Variants in RAPGEF5 observed in about 807,000 individuals in gnomAD.
RAPGEF5 encodes M-Ras-regulated GEF.
In RAPGEF5, 65 loss-of-function variants were observed where a neutral mutation model predicts 125.2. The ratio of observed to expected loss-of-function variants is 0.52; its 90% confidence interval spans 0.43 to 0.64. RAPGEF5 has a LOEUF of 0.64. Ranked by LOEUF, RAPGEF5 falls within the 30% of genes least tolerant of loss-of-function variation. RAPGEF5 has a pLI of 0.00. For synonymous variants in RAPGEF5, 391 were observed against 385.9 expected, an observed-to-expected ratio of 1.01 and a Z score of -0.16; for missense variants, 958 against 1,048.1, an observed-to-expected ratio of 0.91 and a Z score of 1.19.
chr7:22,234,454 T>C (rs559403494), intron 7 of RAPGEF5, among the ~76,000 whole-genome samples: 4 of 152,324 alleles, frequency 2.6e-5, no homozygotes, highest in South Asian at 4.1e-4. Flanking sequence ...GGCTAGGAGC[T>C]TCACTCTCTG....
intron 22 of RAPGEF5, among the ~76,000 whole-genome samples, 169 bp downstream of exon 22, chr7:22,136,764 G>C (rs1783090611): frequency 6.6e-6 from 1 of 152,222 alleles, no homozygotes; most frequent in South Asian, 2.1e-4. Flanking sequence ...AGCATTAACT[G>C]TCAACTTGCT....
chr7:22,326,069 C>T (rs6461643), intron 1 of RAPGEF5, among the ~76,000 whole-genome samples: 33,326 of 152,076 alleles, frequency 0.22, 3,721 homozygotes, highest in Admixed American at 0.24. Flanking sequence ...CCTTCTTTGG[C>T]ATCTGGATAT....
intron 1 of RAPGEF5, among the ~76,000 whole-genome samples, chr7:22,354,107 G>A (rs887462218): frequency 1.3e-5 from 2 of 152,120 alleles, no homozygotes; most frequent in South Asian, 4.2e-4. Context: ...AACAAAAAAA[G>A]CCTATAATGC....
chr7:22,224,964 A>C (rs1245986872), intron 8 of RAPGEF5, among the ~76,000 whole-genome samples: 2 of 152,108 alleles, frequency 1.3e-5, no homozygotes, highest in Non-Finnish European at 2.9e-5. Context: ...AGGAACTCTA[A>C]GCATTTTTCA....
intron 18 of RAPGEF5, among the ~76,000 whole-genome samples, chr7:22,148,853 C>T (rs569917040): frequency 2.0e-5 from 3 of 152,086 alleles, no homozygotes; most frequent in Admixed American, 6.6e-5. Flanking sequence ...GCAACAAGCC[C>T]CACAGTAGCT....
intron 6 of RAPGEF5, among the ~76,000 whole-genome samples, chr7:22,285,994 G>A (rs1206455672): frequency 2.0e-5 from 3 of 152,204 alleles, no homozygotes; most frequent in African/African-American, 7.2e-5. Flanking sequence ...GGGTGTAAGA[G>A]TGCCCAGTTA....
intron 11 of RAPGEF5, among the ~76,000 whole-genome samples, chr7:22,190,077 C>T (rs749631052): frequency 2.0e-5 from 3 of 152,074 alleles, no homozygotes; most frequent in Admixed American, 6.5e-5. Flanking sequence ...ATCAGGAGTT[C>T]GAGACCAGCC....
At chr7:22,289,755 T>A (rs1228184543) in intron 6 of RAPGEF5, among the ~76,000 whole-genome samples, 1 of 152,182 alleles carries the variant, frequency 6.6e-6, no homozygotes, top group African/African-American at 2.4e-5. Context: ...AATCCCCAGG[T>A]GTTTAGGGAG....
At chr7:22,335,704 A>C (rs1784013706) in intron 1 of RAPGEF5, among the ~76,000 whole-genome samples, 2 of 142,304 alleles carry the variant, frequency 1.4e-5, no homozygotes, top group Non-Finnish European at 3.1e-5. Context: ...AAAAAAAAAA[A>C]CAACAAAACA....
At chr7:22,341,855 G>A (rs1326309960) in intron 1 of RAPGEF5, among the ~76,000 whole-genome samples, 1 of 152,334 alleles carries the variant, frequency 6.6e-6, no homozygotes, top group South Asian at 2.1e-4. Context: ...TTCACAGGCT[G>A]GTGTTGAATG....
At chr7:22,214,450 T>C (rs990946684) in intron 9 of RAPGEF5, among the ~76,000 whole-genome samples, 1 of 152,188 alleles carries the variant, frequency 6.6e-6, no homozygotes. Flanking sequence ...GGAGCTATTG[T>C]TGGTATTTCT....
intron 1 of RAPGEF5, among the ~76,000 whole-genome samples, chr7:22,334,755 G>A (rs1783993404): frequency 6.6e-6 from 1 of 152,218 alleles, no homozygotes; most frequent in Admixed American, 6.5e-5. Context: ...AACACAGAGA[G>A]GTTAAGTCAC....
intron 6 of RAPGEF5, among the ~76,000 whole-genome samples, chr7:22,284,532 C>A (rs113261462): frequency 5.5e-4 from 84 of 152,300 alleles, no homozygotes; most frequent in African/African-American, 1.9e-3. Context: ...ATCTGCCTGG[C>A]CCTTCCCCAA....
chr7:22,139,894 A>C (rs886546975), intron 21 of RAPGEF5, 131 bp downstream of exon 21: 1 of 777,446 alleles, frequency 1.3e-6, no homozygotes, highest in African/African-American at 1.8e-5. Flanking sequence ...CCATTTGATC[A>C]AAAAGATCCC....
chr7:22,156,361 G>C (rs1179476871), intron 16 of RAPGEF5, among the ~76,000 whole-genome samples: 1 of 152,198 alleles, frequency 6.6e-6, no homozygotes, highest in Non-Finnish European at 1.5e-5. Flanking sequence ...AGCTTCTACC[G>C]TACAGCCTTC....
chr7:22,193,570 G>T (rs1785065743), intron 10 of RAPGEF5, 115 bp from the exon 11 acceptor site: 3 of 1,551,576 alleles, frequency 1.9e-6, no homozygotes, highest in Non-Finnish European at 2.6e-6. Context: ...CACATCGAAG[G>T]TAGGCAAGGG....
At chr7:22,307,900 G>C (rs1300279480) in intron 5 of RAPGEF5, among the ~76,000 whole-genome samples, 1 of 152,152 alleles carries the variant, frequency 6.6e-6, no homozygotes, top group Non-Finnish European at 1.5e-5. Flanking sequence ...TAGTGATTCA[G>C]TATCTTCATG....
intron 7 of RAPGEF5, among the ~76,000 whole-genome samples, chr7:22,234,522 C>A (rs1323053077): frequency 6.6e-6 from 1 of 152,132 alleles, no homozygotes; most frequent in Non-Finnish European, 1.5e-5. Context: ...AAGTAATGGC[C>A]TTTGAAAATA....
chr7:22,254,482 C>T (rs1268322669), intron 7 of RAPGEF5, among the ~76,000 whole-genome samples: 3 of 151,832 alleles, frequency 2.0e-5, no homozygotes, highest in East Asian at 3.9e-4. Context: ...GTGACACATG[C>T]CTGTAATCCC....
Sources: gnomAD v4.1 joint callset for allele counts (sites outside exome capture counted in the v4.1 genomes callset) on GRCh38, gnomAD v4.1.1 for gene constraint, MANE v1.5 for transcripts, NCBI Gene and HGNC (gene_info 2026-07-23, HGNC 2026-07-21) for gene names.